Variants in SUMF1 observed in about 807,000 individuals in gnomAD.
SUMF1 encodes formylglycine-generating enzyme.
SUMF1 carries 48 observed loss-of-function variants against 47.6 expected under a neutral mutation model. The ratio of observed to expected loss-of-function variants is 1.01; its 90% CI spans 0.80 to 1.28. The LOEUF is 1.28. Ranked by LOEUF, SUMF1 falls within the 50% of genes most tolerant of loss-of-function variation. The pLI is 0.00. For synonymous variants in SUMF1, 230 were observed against 192.1 expected (o/e 1.20, Z -1.63); for missense variants, 571 against 485.4 (o/e 1.18, Z -1.66).
chr3:4,314,083 C>T (rs919841769), intron 8 of SUMF1: 4 of 441,982 alleles, frequency 9.1e-6, no homozygotes, highest in Non-Finnish European at 1.6e-5. Context: ...GGAATGTATA[C>T]ATGATGACTG....
chr3:4,049,002 C>A (rs988979672), intron 9 of SUMF1, among the ~76,000 whole-genome samples: 3 of 152,098 alleles, frequency 2.0e-5, no homozygotes, highest in Admixed American at 1.3e-4. Context: ...AATAAGATGA[C>A]CACAGAAGAG....
intron 7 of SUMF1, among the ~76,000 whole-genome samples, chr3:4,399,438 G>T (rs760345199): frequency 6.6e-5 from 10 of 152,226 alleles, no homozygotes; most frequent in Middle Eastern, 3.4e-3. Flanking sequence ...AACTCTTTAT[G>T]AACATGGACT....
intron 8 of SUMF1, among the ~76,000 whole-genome samples, chr3:4,173,302 G>C (rs1478613586): frequency 6.6e-6 from 1 of 152,098 alleles, no homozygotes. Context: ...CAGGTCATTA[G>C]AGAAATGCAA....
In SUMF1 at chr3:4,115,509, A is replaced by G. The variant is rs183766762; in HGVS notation, c.1015-46764T>C. ...CACCCACTGGGGCTTCGGGAGCTGT[A>G]GACAATCAACCGTAGATGCTGCCTT... is the stretch of plus-strand genomic sequence containing the variant. On this transcript the variant is annotated intron_variant and NMD_transcript_variant, in intron 8 of 12. Coordinates refer to the SUMF1 transcript ENST00000448413. Among the ~76,000 whole-genome samples the G allele has an allele frequency of 8.7e-4, 133 of 152,138 alleles. 1 individual carries two copies. Among genetic ancestry groups the G allele is most frequent in the African/African-American group, 3.2e-3 (131 of 41,478 alleles).
intron 8 of SUMF1, among the ~76,000 whole-genome samples, chr3:4,177,288 A>G (rs1694987800): frequency 6.6e-6 from 1 of 152,196 alleles, no homozygotes; most frequent in Admixed American, 6.5e-5. Flanking sequence ...CATAATTGGA[A>G]GTAAAGCACT....
intron 8 of SUMF1, among the ~76,000 whole-genome samples, chr3:4,277,047 T>C (rs1244227881): frequency 1.3e-5 from 2 of 152,114 alleles, no homozygotes; most frequent in Non-Finnish European, 2.9e-5. Context: ...TTGGAGATAA[T>C]CTAATCCAGT....
intron 8 of SUMF1, among the ~76,000 whole-genome samples, chr3:4,350,890 T>C (rs1037786547): frequency 2.6e-5 from 4 of 151,202 alleles, no homozygotes; most frequent in African/African-American, 7.3e-5. Flanking sequence ...AAATCCACAC[T>C]ACCCCTAAAT....
In SUMF1 at chr3:4,362,072, A is replaced by G. The variant is rs1699777268; in HGVS notation, c.*72T>C. ...GGGAATTCTTTGCATGGGATCGTTC[A>G]AAGTTCTGAGAAAAGCCCAATGTAG... is the stretch of plus-strand genomic sequence containing the variant. On this transcript the variant is annotated 3_prime_UTR_variant, in exon 9 of 9. Transcript: ENST00000272902. The G allele has an allele frequency of 6.9e-7, 1 of 1,451,900 alleles. No individual in the cohort carries two copies. Among genetic ancestry groups the G allele is most frequent in the Admixed American group, 1.7e-5 (1 of 59,158 alleles). 89.9% of individuals were successfully genotyped at this position (1,451,900 alleles called of 1,614,324 possible).
intron 8 of SUMF1, among the ~76,000 whole-genome samples, chr3:4,280,813 C>CTGTG (rs1490125612): frequency 8.7e-6 from 1 of 115,288 alleles, no homozygotes; most frequent in East Asian, 2.6e-4. Context: ...ATGGCATTCA[C>CTGTG]CGTGTGTGTG....
At chr3:4,281,970 T>A (rs955525961) in intron 8 of SUMF1, among the ~76,000 whole-genome samples, 14 of 152,278 alleles carry the variant, frequency 9.2e-5, no homozygotes, top group African/African-American at 2.9e-4. Flanking sequence ...CAAGCCAGAA[T>A]GAAGAAGATT....
chr3:4,362,670 C>T (rs749115554), intron 8 of SUMF1, among the ~76,000 whole-genome samples: 12 of 152,056 alleles, frequency 7.9e-5, no homozygotes, highest in Non-Finnish European at 1.2e-4. Context: ...ACCTGTAATC[C>T]CAACATTTTG....
intron 8 of SUMF1, chr3:4,229,481 T>C (rs1696250062): frequency 4.6e-6 from 1 of 215,450 alleles, no homozygotes; most frequent in African/African-American, 2.4e-5. Flanking sequence ...ATTGCACCTC[T>C]CCAGGCCTTA....
intron 3 of SUMF1, among the ~76,000 whole-genome samples, chr3:4,421,273 T>A (rs568716435): frequency 1.3e-5 from 2 of 152,264 alleles, no homozygotes; most frequent in South Asian, 4.1e-4. Flanking sequence ...GGGATACAGA[T>A]AGTAACAGCA....
chr3:4,460,668 T>TA (rs2079791773), intron 1 of SUMF1, among the ~76,000 whole-genome samples: 1 of 148,742 alleles, frequency 6.7e-6, no homozygotes, highest in African/African-American at 2.5e-5. Context: ...ATATATATAT[T>TA]TTTTAAGAGA....
At chr3:4,376,213 T>A in intron 8 of SUMF1, 117 bp downstream of exon 8, 1 of 1,239,598 alleles carries the variant, frequency 8.1e-7, no homozygotes, top group Non-Finnish European at 1.2e-6. Flanking sequence ...CTGGTTTCAG[T>A]GGGGTTAGGT....
At chr3:4,241,142 A>G (rs1696528508) in intron 8 of SUMF1, among the ~76,000 whole-genome samples, 1 of 152,164 alleles carries the variant, frequency 6.6e-6, no homozygotes, top group Non-Finnish European at 1.5e-5. Flanking sequence ...AGGTAAGGAT[A>G]AATGACAGAA....
At chr3:4,082,747 A>T (rs1361969992) in intron 8 of SUMF1, among the ~76,000 whole-genome samples, 1 of 152,124 alleles carries the variant, frequency 6.6e-6, no homozygotes, top group Non-Finnish European at 1.5e-5. Flanking sequence ...AAAAAGAGAG[A>T]AAGAGAGATT....
At chr3:4,464,361 A>G (rs561622381) in intron 1 of SUMF1, among the ~76,000 whole-genome samples, 3 of 151,566 alleles carry the variant, frequency 2.0e-5, no homozygotes, top group African/African-American at 7.3e-5. Context: ...TATCCCTCCT[A>G]TAGTATTCTC....
intron 8 of SUMF1, among the ~76,000 whole-genome samples, chr3:4,346,397 T>C (rs982374085): frequency 1.3e-5 from 2 of 152,130 alleles, no homozygotes; most frequent in African/African-American, 4.8e-5. Context: ...CACAATTTCA[T>C]GGAAATTGAA....
Sources: allele counts gnomAD v4.1 joint callset (sites outside exome capture counted in the v4.1 genomes callset), GRCh38; gene constraint gnomAD v4.1.1; transcripts MANE v1.5; gene names NCBI Gene and HGNC (gene_info 2026-07-23, HGNC 2026-07-21).